Variants in RNF185 observed in about 807,000 individuals in gnomAD.
RNF185 encodes the protein ring finger protein 185, also known as E3 ubiquitin-protein ligase RNF185.
In RNF185, 13 loss-of-function variants were observed where a neutral mutation model predicts 24.9. The ratio of observed to expected loss-of-function variants is 0.52; its 90% CI spans 0.34 to 0.83. RNF185 has a LOEUF of 0.83. Among genes scored for constraint, RNF185 ranks in the 40% least tolerant of loss-of-function variants. The pLI, the probability that RNF185 is intolerant of heterozygous loss-of-function variation, is 0.01. For synonymous variants in RNF185, 79 were observed against 90.3 expected (o/e 0.88, Z 0.71); for missense variants, 184 against 244.7 (o/e 0.75, Z 1.65).
chr22:31,165,999 A>T (rs780177302), intron 1 of RNF185, among the ~76,000 whole-genome samples: 4 of 145,084 alleles, frequency 2.8e-5, no homozygotes, highest in Admixed American at 6.9e-5. Flanking sequence ...TTTTATTATT[A>T]TTTTTTTTTA....
chr22:31,163,975 C>T (rs186617822), intron 1 of RNF185, among the ~76,000 whole-genome samples: 145 of 145,630 alleles, frequency 1.0e-3, no homozygotes, highest in African/African-American at 3.6e-3. Context: ...TGCCTGGCCC[C>T]TTATTATTAT....
intron 5 of RNF185, among the ~76,000 whole-genome samples, chr22:31,198,389 G>T: frequency 7.5e-6 from 1 of 133,746 alleles, no homozygotes; most frequent in African/African-American, 2.9e-5. Context: ...AACCATCTTT[G>T]CACACTTTTT....
At chr22:31,167,382 C>G (rs187596371) in intron 1 of RNF185, among the ~76,000 whole-genome samples, 7 of 152,130 alleles carry the variant, frequency 4.6e-5, no homozygotes, top group Admixed American at 2.6e-4. Flanking sequence ...AGTAAATTCA[C>G]AATGTTGTAT....
At chr22:31,185,346 C>T (rs1022642593) in intron 1 of RNF185, among the ~76,000 whole-genome samples, 3 of 152,184 alleles carry the variant, frequency 2.0e-5, no homozygotes, top group African/African-American at 7.2e-5. Flanking sequence ...AGGAAGCTTT[C>T]TGGGTCTGAG....
At chr22:31,190,109 G>A (rs1006321357) in intron 2 of RNF185, among the ~76,000 whole-genome samples, 2 of 152,202 alleles carry the variant, frequency 1.3e-5, no homozygotes, top group Non-Finnish European at 2.9e-5. Context: ...CAGCCACAGC[G>A]TGGCACACAG....
intron 1 of RNF185, among the ~76,000 whole-genome samples, chr22:31,169,865 A>G (rs73881341): frequency 0.013 from 1,963 of 151,898 alleles, 46 homozygotes; most frequent in African/African-American, 0.045. Context: ...GTACTTCTCT[A>G]CTCTGCATCT....
chr22:31,204,380 C>G, intron 6 of RNF185, 109 bp from the exon 7 acceptor site: 1 of 716,448 alleles, frequency 1.4e-6, no homozygotes. Flanking sequence ...GTGTAGGATT[C>G]TGATGTTGTA....
At chr22:31,192,895 G>C (rs1327280487) in intron 3 of RNF185, among the ~76,000 whole-genome samples, 193 bp downstream of exon 3, 4 of 152,268 alleles carry the variant, frequency 2.6e-5, no homozygotes, top group Non-Finnish European at 4.4e-5. Flanking sequence ...TCCTAATTCT[G>C]CCACAGAGGG....
intron 4 of RNF185, among the ~76,000 whole-genome samples, chr22:31,196,636 A>G (rs993752570): frequency 5.3e-5 from 8 of 152,224 alleles, no homozygotes; most frequent in African/African-American, 1.7e-4. Flanking sequence ...CAGGGAAGGC[A>G]TCTGGCCATG....
intron 1 of RNF185, among the ~76,000 whole-genome samples, chr22:31,172,608 T>A (rs938122023): frequency 2.6e-5 from 4 of 151,346 alleles, no homozygotes; most frequent in African/African-American, 7.3e-5. Flanking sequence ...AATTGGCCAG[T>A]CATGATGGTG....
intron 1 of RNF185, among the ~76,000 whole-genome samples, chr22:31,179,664 G>T (rs1283935853): frequency 2.0e-5 from 3 of 152,206 alleles, no homozygotes; most frequent in Non-Finnish European, 2.9e-5. Flanking sequence ...CTGTCTCAGT[G>T]CCTGGCCTGG....
intron 3 of RNF185, among the ~76,000 whole-genome samples, chr22:31,194,792 A>G (rs930030255): frequency 6.6e-6 from 1 of 152,110 alleles, no homozygotes; most frequent in African/African-American, 2.4e-5. Context: ...AGTTGCTCCT[A>G]CTGGGAAGGT....
chr22:31,186,616 A>G (rs565800378), intron 1 of RNF185, among the ~76,000 whole-genome samples: 2 of 152,212 alleles, frequency 1.3e-5, no homozygotes, highest in Admixed American at 6.5e-5. Context: ...AAATATATAT[A>G]TATGTTCTGG....
chr22:31,197,757 T>C (rs2048220751), intron 5 of RNF185, among the ~76,000 whole-genome samples: 1 of 152,106 alleles, frequency 6.6e-6, no homozygotes, highest in African/African-American at 2.4e-5. Context: ...TGTTTTGTTT[T>C]GTTTGGGTAG....
At chr22:31,204,397 T>TA in intron 6 of RNF185, 92 bp from the exon 7 acceptor site, 1 of 787,738 alleles carries the variant, frequency 1.3e-6, no homozygotes, top group South Asian at 1.4e-5. Flanking sequence ...TGTAAAGAGA[T>TA]AAAGATTGAT....
At chr22:31,161,751 C>T (rs971971737) in intron 1 of RNF185, among the ~76,000 whole-genome samples, 1 of 152,164 alleles carries the variant, frequency 6.6e-6, no homozygotes, top group Admixed American at 6.6e-5. Flanking sequence ...TGAATCCTCT[C>T]TTCAGCAATA....
At chr22:31,188,810 C>G (rs5997904) in intron 2 of RNF185, among the ~76,000 whole-genome samples, 1 of 151,566 alleles carries the variant, frequency 6.6e-6, no homozygotes, top group African/African-American at 2.4e-5. Flanking sequence ...GAGAGAGACC[C>G]TGTCTCTTAA....
chr22:31,184,672 G>A lies in RNF185; in HGVS notation c.-48-2375G>A, dbSNP rs547340517. On this transcript the variant is annotated intron_variant, in intron 1 of 6. Transcript: ENST00000326132. Reference sequence around the variant, plus strand: ...ACTCCGTCTGCAATCCTGGCACCTCGGGAGGCCGAGGCTGGCAGACCACTG... The same window carrying A: ...ACTCCGTCTGCAATCCTGGCACCTCAGGAGGCCGAGGCTGGCAGACCACTG... 1.6e-4 allele frequency among the ~76,000 whole-genome samples: 25 copies of A among 152,332 alleles called. No individual in the cohort carries two copies. In the South Asian group the frequency reaches 4.8e-3, roughly 29 times the overall value.
intron 1 of RNF185, among the ~76,000 whole-genome samples, chr22:31,182,753 CCCCA>C (rs1434626232): frequency 3.3e-5 from 5 of 152,078 alleles, no homozygotes; most frequent in Non-Finnish European, 7.4e-5. Context: ...CAATCTATAA[CCCCA>C]ATCCTGTCCA....
Sources: gnomAD v4.1 joint callset for allele counts (sites outside exome capture counted in the v4.1 genomes callset) on GRCh38, gnomAD v4.1.1 for gene constraint, MANE v1.5 for transcripts, NCBI Gene and HGNC (gene_info 2026-07-23, HGNC 2026-07-21) for gene names.